Variants in RARB observed in about 807,000 individuals in gnomAD.
The protein encoded by RARB is HBV-activated protein.
A neutral mutation model predicts 51.9 loss-of-function variants in RARB; 17 were observed. The ratio of observed to expected loss-of-function variants is 0.33; its 90% CI spans 0.22 to 0.49. The LOEUF (loss-of-function observed/expected upper bound fraction) is 0.49. Among genes scored for constraint, RARB ranks in the 20% least tolerant of loss-of-function variants. RARB has a pLI of 0.99. For synonymous variants in RARB, 215 were observed against 195.4 expected, an observed-to-expected ratio of 1.10 and a Z score of -0.84; for missense variants, 369 against 550.8, an observed-to-expected ratio of 0.67 and a Z score of 3.30.
intron 3 of RARB, among the ~76,000 whole-genome samples, chr3:25,549,352 A>T (rs1699746321): frequency 1.3e-5 from 2 of 152,146 alleles, no homozygotes; most frequent in Admixed American, 1.3e-4. Context: ...GCTCCAGAAG[A>T]TCTAAGCAGA....
rs547407255 is a variant in RARB at position 25,509,766 on chromosome 3, A to G, written c.448+8443A>G. On this transcript the variant is annotated intron_variant, in intron 3 of 7. Transcript: ENST00000330688. ...TCAGTCAGCTCAAGGTGAGGCCATC[A>G]GGGTCTTCCAGCAGTGCTGAGCCCA... Among the ~76,000 whole-genome samples, 112 of 152,270 alleles carry G rather than the reference A, an allele frequency of 7.4e-4. 1 individual carries two copies. Among genetic ancestry groups the G allele is most frequent in the Admixed American group, 2.5e-3 (38 of 15,298 alleles).
intron 3 of RARB, among the ~76,000 whole-genome samples, chr3:25,551,641 G>T (rs1331543033): frequency 2.6e-5 from 4 of 152,156 alleles, no homozygotes; most frequent in African/African-American, 9.7e-5. Context: ...GAAAGGTCTG[G>T]GCTAGAGATT....
intron 5 of RARB, among the ~76,000 whole-genome samples, chr3:25,205,590 C>CA (rs1365012323): frequency 1.4e-4 from 21 of 151,424 alleles, no homozygotes; most frequent in African/African-American, 2.4e-4. Context: ...GTTTTTAACC[C>CA]AAAAAAAATA....
chr3:25,325,181 A>G (rs540523735), intron 5 of RARB, among the ~76,000 whole-genome samples: 42 of 152,262 alleles, frequency 2.8e-4, no homozygotes, highest in African/African-American at 8.2e-4. Flanking sequence ...CTTTTAAACC[A>G]TATAGTGTAG....
chr3:25,558,268 C>T (rs1415552890), intron 3 of RARB, among the ~76,000 whole-genome samples: 2 of 152,160 alleles, frequency 1.3e-5, no homozygotes, highest in South Asian at 2.1e-4. Flanking sequence ...GGCTTCCATC[C>T]TTATTGCTCT....
intron 5 of RARB, among the ~76,000 whole-genome samples, chr3:25,584,304 GA>G (rs1320957459): frequency 3.3e-5 from 5 of 152,128 alleles, no homozygotes; most frequent in Non-Finnish European, 7.3e-5. Context: ...CTGGTGGGGG[GA>G]CACAGACAGT....
rs577291923 is a variant in RARB at position 25,528,273 on chromosome 3, T to C, written c.448+26950T>C. Among the ~76,000 whole-genome samples the C allele has an allele frequency of 1.1e-4, 17 of 152,300 alleles. No individual in the cohort carries two copies. In the South Asian group the frequency reaches 3.3e-3, roughly 30 times the overall value. ...GTGCCCAGATGGCCAGCATTTGATT[T>C]AGCTGTTCAGGACAGCAAGAGACTG... is the stretch of plus-strand genomic sequence containing the variant. On this transcript the variant is annotated intron_variant, in intron 3 of 7. Coordinates refer to ENST00000330688, the MANE Select transcript of RARB (RefSeq NM_000965.5).
chr3:25,171,440 A>AT (rs1157902711), intron 4 of RARB, among the ~76,000 whole-genome samples: 2,490 of 32,226 alleles, frequency 0.077, 415 homozygotes, highest in Middle Eastern at 0.12. Context: ...CGACACATTG[A>AT]TTTTTTTTTT....
At chr3:24,866,535 G>T (rs143880465) in intron 2 of RARB, among the ~76,000 whole-genome samples, 15 of 152,154 alleles carry the variant, frequency 9.9e-5, no homozygotes, top group East Asian at 3.9e-4. Flanking sequence ...TAGGCTTCGT[G>T]GGGGGAATGG....
At chr3:24,859,821 G>A (rs1371211275) in intron 2 of RARB, among the ~76,000 whole-genome samples, 1 of 152,192 alleles carries the variant, frequency 6.6e-6, no homozygotes, top group Non-Finnish European at 1.5e-5. Flanking sequence ...CAATAAAGCA[G>A]CCCTGGATAA....
intron 1 of RARB, among the ~76,000 whole-genome samples, chr3:25,447,896 G>A (rs961281110): frequency 4.6e-5 from 7 of 152,066 alleles, no homozygotes; most frequent in African/African-American, 7.2e-5. Context: ...TCAAGATGGG[G>A]AAAGAAGGGA....
intron 5 of RARB, among the ~76,000 whole-genome samples, chr3:25,251,337 T>C (rs1378088060): frequency 6.6e-6 from 1 of 152,156 alleles, no homozygotes; most frequent in Admixed American, 6.6e-5. Flanking sequence ...AATATTTGTG[T>C]ACAAGTTTTT....
At chr3:24,987,868 C>T (rs906143943) in intron 2 of RARB, among the ~76,000 whole-genome samples, 3 of 152,152 alleles carry the variant, frequency 2.0e-5, no homozygotes, top group African/African-American at 4.8e-5. Context: ...CGCACAATTA[C>T]ATATACGCAT....
chr3:25,011,417 G>A (rs1697391678), intron 2 of RARB, among the ~76,000 whole-genome samples: 1 of 152,060 alleles, frequency 6.6e-6, no homozygotes, highest in Non-Finnish European at 1.5e-5. Context: ...AAATCAATGT[G>A]AGTCTAAAAC....
At chr3:25,480,405 G>A (rs1448393704) in intron 2 of RARB, among the ~76,000 whole-genome samples, 3 of 152,172 alleles carry the variant, frequency 2.0e-5, no homozygotes, top group Non-Finnish European at 2.9e-5. Context: ...CCTGGGCCAA[G>A]TCTGTGAACC....
At chr3:25,536,845 T>C (rs1221092609) in intron 3 of RARB, among the ~76,000 whole-genome samples, 2 of 152,164 alleles carry the variant, frequency 1.3e-5, no homozygotes, top group African/African-American at 2.4e-5. Flanking sequence ...CACTGTGACA[T>C]AGGATTTTTA....
intron 4 of RARB, among the ~76,000 whole-genome samples, chr3:25,575,237 C>T (rs1328118732): frequency 3.9e-5 from 6 of 152,140 alleles, no homozygotes; most frequent in South Asian, 2.1e-4. Context: ...GGAGTTCTGG[C>T]GATAACGCTC....
At chr3:24,968,341 A>C (rs1432415099) in intron 2 of RARB, among the ~76,000 whole-genome samples, 2 of 152,172 alleles carry the variant, frequency 1.3e-5, no homozygotes, top group African/African-American at 2.4e-5. Flanking sequence ...TCTTTTGCTA[A>C]GACTATAGTT....
chr3:25,232,588 A>AT (rs1301524884), intron 5 of RARB, among the ~76,000 whole-genome samples: 1 of 152,062 alleles, frequency 6.6e-6, no homozygotes, highest in Non-Finnish European at 1.5e-5. Flanking sequence ...CAGTCCATAT[A>AT]TTTTTTATAT....
Sources: gnomAD v4.1 joint callset for allele counts (sites outside exome capture counted in the v4.1 genomes callset) on GRCh38, gnomAD v4.1.1 for gene constraint, MANE v1.5 for transcripts, NCBI Gene and HGNC (gene_info 2026-07-23, HGNC 2026-07-21) for gene names.